HS6ST3: variants seen among roughly 807,000 people sequenced by gnomAD.
HS6ST3 encodes heparan-sulfate 6-O-sulfotransferase 3.
In HS6ST3, 12 loss-of-function variants were observed where a neutral mutation model predicts 36.7. That is an observed-to-expected ratio of 0.33 (90% CI 0.21 to 0.53). The LOEUF (loss-of-function observed/expected upper bound fraction) is 0.53, where lower values mean the gene tolerates loss of function less well. HS6ST3 is among the 20% of genes least tolerant of loss of function. The pLI, the probability that HS6ST3 is intolerant of heterozygous loss-of-function variation, is 0.95. For synonymous variants in HS6ST3, 240 were observed against 257.5 expected, an observed-to-expected ratio of 0.93 and a Z score of 0.65; for missense variants, 584 against 640.9, an observed-to-expected ratio of 0.91 and a Z score of 0.96.
intron 1 of HS6ST3, among the ~76,000 whole-genome samples, chr13:96,516,187 G>A (rs1357367339): frequency 2.0e-5 from 3 of 151,380 alleles, no homozygotes; most frequent in Non-Finnish European, 2.9e-5. Flanking sequence ...TCAGCCTCCT[G>A]AGTACCTGGG....
intron 1 of HS6ST3, among the ~76,000 whole-genome samples, chr13:96,458,959 C>G (rs2055767889): frequency 6.6e-6 from 1 of 151,712 alleles, no homozygotes; most frequent in African/African-American, 2.4e-5. Flanking sequence ...CAAAAATTAG[C>G]TGGGCATGGT....
intron 1 of HS6ST3, among the ~76,000 whole-genome samples, chr13:96,158,092 T>G (rs1230708587): frequency 6.6e-6 from 1 of 152,150 alleles, no homozygotes; most frequent in Non-Finnish European, 1.5e-5. Flanking sequence ...TCACAAAGTA[T>G]GTGACACTTG....
chr13:96,686,115 A>C (rs780042838), intron 1 of HS6ST3, among the ~76,000 whole-genome samples: 1 of 151,990 alleles, frequency 6.6e-6, no homozygotes, highest in Non-Finnish European at 1.5e-5. Flanking sequence ...AGTTACACAC[A>C]ACTCATCATC....
intron 1 of HS6ST3, among the ~76,000 whole-genome samples, chr13:96,094,561 C>T (rs994270625): frequency 1.2e-4 from 18 of 152,072 alleles, no homozygotes; most frequent in African/African-American, 2.4e-4. Context: ...AAGTTGGGGG[C>T]ACACAATATA....
intron 1 of HS6ST3, among the ~76,000 whole-genome samples, chr13:96,517,372 C>G (rs1425998421): frequency 6.6e-6 from 1 of 152,072 alleles, no homozygotes; most frequent in Admixed American, 6.6e-5. Context: ...AGAGCAAGAC[C>G]CTGTCTCAAA....
At chr13:96,496,379 A>T (rs956158519) in intron 1 of HS6ST3, among the ~76,000 whole-genome samples, 3 of 152,106 alleles carry the variant, frequency 2.0e-5, no homozygotes, top group Non-Finnish European at 4.4e-5. Flanking sequence ...TGCTTGACCC[A>T]TCAAGAGGGA....
At chr13:96,732,284 A>G (rs1244940930) in intron 1 of HS6ST3, among the ~76,000 whole-genome samples, 1 of 151,974 alleles carries the variant, frequency 6.6e-6, no homozygotes, top group Non-Finnish European at 1.5e-5. Flanking sequence ...TGAGTTGTTT[A>G]TGTTTTCTTC....
chr13:96,306,975 A>G (rs1038133034), intron 1 of HS6ST3, among the ~76,000 whole-genome samples: 4 of 152,196 alleles, frequency 2.6e-5, no homozygotes, highest in Non-Finnish European at 2.9e-5. Context: ...TCAAGTAAAT[A>G]CAAAGGAGAT....
chr13:96,807,016 A>G (rs1247096110), intron 1 of HS6ST3, among the ~76,000 whole-genome samples: 1 of 152,204 alleles, frequency 6.6e-6, no homozygotes, highest in African/African-American at 2.4e-5. Flanking sequence ...GCTCCTAATT[A>G]GCTGTGAGAC....
At position 96,166,776 on chromosome 13, in the gene HS6ST3, A is replaced by G. The variant is rs184799195; in HGVS notation, c.707+75207A>G. ...ATGGTTTGGCTGTGTCCCCACCCAA[A>G]TCTCACTGTGAATCCTAGTTCCCAT... On this transcript the variant is annotated intron_variant, in intron 1 of 1. Transcript: ENST00000376705. Among the ~76,000 whole-genome samples the G allele has an allele frequency of 5.3e-5, 8 of 151,924 alleles. No individual in the cohort carries two copies. In the East Asian group the frequency reaches 9.7e-4, roughly 18 times the overall value.
intron 1 of HS6ST3, among the ~76,000 whole-genome samples, chr13:96,558,132 T>A (rs1013248413): frequency 2.0e-5 from 3 of 152,190 alleles, no homozygotes; most frequent in Non-Finnish European, 4.4e-5. Flanking sequence ...TATCTTCTCC[T>A]CAATGCTCGT....
intron 1 of HS6ST3, among the ~76,000 whole-genome samples, chr13:96,378,560 T>G (rs1219252577): frequency 6.6e-6 from 1 of 152,174 alleles, no homozygotes; most frequent in Non-Finnish European, 1.5e-5. Flanking sequence ...TACTTTTATG[T>G]TCATTTATTT....
intron 1 of HS6ST3, among the ~76,000 whole-genome samples, chr13:96,133,150 A>G (rs928541752): frequency 6.6e-6 from 1 of 151,590 alleles, no homozygotes; most frequent in South Asian, 2.1e-4. Context: ...ATTTTTTGAG[A>G]TGGAGTTTCG....
At chr13:96,789,595 T>C (rs1877731756) in intron 1 of HS6ST3, among the ~76,000 whole-genome samples, 1 of 151,956 alleles carries the variant, frequency 6.6e-6, no homozygotes, top group Non-Finnish European at 1.5e-5. Flanking sequence ...TTACAGCAGG[T>C]TTGCTGATAA....
In HS6ST3 at chr13:96,824,730, C is replaced by T. The variant is rs561544733; in HGVS notation, c.708-7760C>T. 1.7e-4 allele frequency among the ~76,000 whole-genome samples: 26 copies of T among 152,262 alleles called. 1 individual carries two copies. Among genetic ancestry groups the T allele is most frequent in the African/African-American group, 5.8e-4 (24 of 41,532 alleles). Reference sequence around the variant, plus strand: ...CTTCACTTTTTTAAAATGCACACATCAGCTTATGTTTAAGATGTGGTGGTC... The same window carrying T: ...CTTCACTTTTTTAAAATGCACACATTAGCTTATGTTTAAGATGTGGTGGTC... On this transcript the variant is annotated intron_variant, in intron 1 of 1. Transcript: ENST00000376705.
chr13:96,353,095 C>T (rs996322501), intron 1 of HS6ST3, among the ~76,000 whole-genome samples: 24 of 140,374 alleles, frequency 1.7e-4, no homozygotes, highest in Non-Finnish European at 3.0e-4. Context: ...TGCTCTGTCA[C>T]CAGGCTGGAG....
At chr13:96,400,752 G>A (rs536448318) in intron 1 of HS6ST3, among the ~76,000 whole-genome samples, 1 of 152,176 alleles carries the variant, frequency 6.6e-6, no homozygotes, top group Non-Finnish European at 1.5e-5. Context: ...ACAAACCTAA[G>A]AGTAGTAAAA....
At chr13:96,229,117 CA>C (rs1250012668) in intron 1 of HS6ST3, among the ~76,000 whole-genome samples, 1 of 152,068 alleles carries the variant, frequency 6.6e-6, no homozygotes, top group Non-Finnish European at 1.5e-5. Context: ...ATCAAAATAC[CA>C]AAAAGTGAAA....
intron 1 of HS6ST3, among the ~76,000 whole-genome samples, chr13:96,774,974 A>G (rs532335286): frequency 2.6e-4 from 39 of 152,362 alleles, no homozygotes; most frequent in African/African-American, 9.1e-4. Context: ...CCAGACTAAC[A>G]GTGGATCTCT....
Sources: allele counts gnomAD v4.1 joint callset (sites outside exome capture counted in the v4.1 genomes callset), GRCh38; gene constraint gnomAD v4.1.1; transcripts MANE v1.5; gene names NCBI Gene and HGNC (gene_info 2026-07-23, HGNC 2026-07-21).